Variants in CHST11 observed in about 807,000 individuals in gnomAD.
CHST11 encodes the protein carbohydrate sulfotransferase 11.
Under a neutral mutation model 30.4 loss-of-function variants are expected in CHST11, and 9 were observed. The observed-to-expected ratio is 0.30, with a 90% CI of 0.18 to 0.52. The LOEUF (loss-of-function observed/expected upper bound fraction) is 0.52, where lower values mean the gene tolerates loss of function less well. CHST11 is among the 20% of genes least tolerant of loss of function. The pLI, the probability that CHST11 is intolerant of heterozygous loss-of-function variation, is 0.97. For missense variants in CHST11, 348 were observed against 460.6 expected, an observed-to-expected ratio of 0.76 and a Z score of 2.24; for synonymous variants, 152 against 187.8, an observed-to-expected ratio of 0.81 and a Z score of 1.56.
intron 1 of CHST11, among the ~76,000 whole-genome samples, chr12:104,538,881 C>G (rs1386645884): frequency 6.6e-6 from 1 of 152,206 alleles, no homozygotes; most frequent in East Asian, 1.9e-4. Flanking sequence ...AAAGCTCACA[C>G]TTACATAGCA....
rs2038947410 is a variant in CHST11 at position 104,600,424 on chromosome 12, A to C, written c.119-1482A>C. 6.6e-6 allele frequency among the ~76,000 whole-genome samples: 1 copy of C among 152,198 alleles called. No homozygotes were observed. Among genetic ancestry groups the C allele is most frequent in the Non-Finnish European group, 1.5e-5 (1 of 68,028 alleles). On this transcript the variant is annotated intron_variant, in intron 1 of 2. Transcript: ENST00000303694. This position sits in a 1 kb window ranked among gnomAD's most constrained non-coding sequence, Gnocchi z 4.1. ...ATAGAGAAGTTCCCGCCTTCCTCCC[A>C]GGGGGATCTAAAATAGCTTCTGAAA...
chr12:104,726,043 T>G (rs537307252), intron 2 of CHST11, among the ~76,000 whole-genome samples: 78 of 152,304 alleles, frequency 5.1e-4, no homozygotes, highest in African/African-American at 1.8e-3. Flanking sequence ...GAAGCAGGAT[T>G]GGCAAGAACA....
At chr12:104,569,178 G>T (rs1229368872) in intron 1 of CHST11, among the ~76,000 whole-genome samples, 1 of 152,140 alleles carries the variant, frequency 6.6e-6, no homozygotes, top group Non-Finnish European at 1.5e-5. Context: ...CTAAATAAAA[G>T]TGAAACTACT....
At chr12:104,647,553 C>A (rs547109339) in intron 2 of CHST11, among the ~76,000 whole-genome samples, 86 of 152,164 alleles carry the variant, frequency 5.7e-4, no homozygotes, top group Non-Finnish European at 8.7e-4. Context: ...AAAACAAGAT[C>A]ACATATTCTA....
chr12:104,468,903 G>A (rs1198872576), intron 1 of CHST11, among the ~76,000 whole-genome samples: 1 of 152,116 alleles, frequency 6.6e-6, no homozygotes, highest in Non-Finnish European at 1.5e-5. Flanking sequence ...ATTGGGAATG[G>A]ATGTAAACCT....
At chr12:104,461,725 T>C (rs952369738) in intron 1 of CHST11, among the ~76,000 whole-genome samples, 27 of 152,364 alleles carry the variant, frequency 1.8e-4, no homozygotes, top group Admixed American at 1.7e-3. Context: ...TTTGCCTCGG[T>C]TGAATGTATT....
chr12:104,634,434 G>C (rs1305192596), intron 2 of CHST11, among the ~76,000 whole-genome samples: 1 of 152,198 alleles, frequency 6.6e-6, no homozygotes, highest in Non-Finnish European at 1.5e-5. Flanking sequence ...AGCCGAGCTG[G>C]CTCCACCACA....
chr12:104,630,221 G>A (rs116141293), intron 2 of CHST11, among the ~76,000 whole-genome samples: 422 of 152,280 alleles, frequency 2.8e-3, no homozygotes, highest in African/African-American at 9.3e-3. Flanking sequence ...TACAGGACAT[G>A]TATACCAGGA....
chr12:104,742,278 G>A (rs757041276), intron 2 of CHST11, among the ~76,000 whole-genome samples: 1 of 152,122 alleles, frequency 6.6e-6, no homozygotes, highest in Non-Finnish European at 1.5e-5. Context: ...GAAGGGAGAG[G>A]CCAGGAGGAG....
chr12:104,662,847 T>C (rs2136089218), intron 2 of CHST11, among the ~76,000 whole-genome samples: 1 of 152,380 alleles, frequency 6.6e-6, no homozygotes, highest in African/African-American at 2.4e-5. Flanking sequence ...CTTCTTATTT[T>C]AATGTTTACA....
At chr12:104,637,340 G>A (rs1416875214) in intron 2 of CHST11, among the ~76,000 whole-genome samples, 1 of 104,016 alleles carries the variant, frequency 9.6e-6, no homozygotes, top group South Asian at 3.3e-4. Context: ...AAAAAAGGGG[G>A]TTGGGGGAGG....
At chr12:104,725,107 T>C (rs2136129106) in intron 2 of CHST11, among the ~76,000 whole-genome samples, 1 of 152,280 alleles carries the variant, frequency 6.6e-6, no homozygotes, top group African/African-American at 2.4e-5. Context: ...CCACTTATCT[T>C]TGAGCACGTT....
chr12:104,651,725 T>C (rs1350298940), intron 2 of CHST11, among the ~76,000 whole-genome samples: 1 of 152,172 alleles, frequency 6.6e-6, no homozygotes, highest in Non-Finnish European at 1.5e-5. Context: ...CCCTTTTTCC[T>C]TTTCTTGCTT....
intron 1 of CHST11, chr12:104,514,252 C>T: frequency 2.3e-6 from 2 of 865,826 alleles, no homozygotes; most frequent in Middle Eastern, 3.3e-4. Flanking sequence ...GTTGGGGCAG[C>T]CACAGTTGGT....
rs312159 is a variant in CHST11 at position 104,729,154 on chromosome 12, A to G, written c.205-27795A>G. ...AGCAGGAAACAAAAGAGACAGAAAA[A>G]ACACAGAGGCCAAGATGAGCTGACA... is the stretch of plus-strand genomic sequence containing the variant. On this transcript the variant is annotated intron_variant, in intron 2 of 2. Transcript: ENST00000303694. This position sits in a 1 kb window ranked among gnomAD's most constrained non-coding sequence, Gnocchi z 4.0. Among the ~76,000 whole-genome samples, 44,099 of 151,998 alleles carry G rather than the reference A, an allele frequency of 0.29. 7,455 individuals are homozygous for G. The highest frequency in any genetic ancestry group is 0.52 in the South Asian group (2,515 of 4,808).
At chr12:104,609,522 A>G (rs2039038325) in intron 2 of CHST11, among the ~76,000 whole-genome samples, 1 of 152,212 alleles carries the variant, frequency 6.6e-6, no homozygotes, top group African/African-American at 2.4e-5. Context: ...CAAGCCAGGA[A>G]GGATTTCCAG....
intron 1 of CHST11, among the ~76,000 whole-genome samples, chr12:104,530,444 G>T (rs905720279): frequency 6.6e-6 from 1 of 152,140 alleles, no homozygotes; most frequent in Non-Finnish European, 1.5e-5. Flanking sequence ...TATACCCAGA[G>T]GCTGGCAATG....
At chr12:104,622,467 T>C (rs1405484558) in intron 2 of CHST11, among the ~76,000 whole-genome samples, 2 of 152,214 alleles carry the variant, frequency 1.3e-5, no homozygotes, top group Admixed American at 6.5e-5. Context: ...ACTAGCTTCA[T>C]TGAAACTCAC....
At chr12:104,656,775 AG>A (rs1284405603) in intron 2 of CHST11, among the ~76,000 whole-genome samples, 8 of 152,222 alleles carry the variant, frequency 5.3e-5, no homozygotes, top group African/African-American at 1.9e-4. Flanking sequence ...AGCCAGAGAC[AG>A]TGGAGGAGAA....
Sources: gnomAD v4.1 joint callset for allele counts (sites outside exome capture counted in the v4.1 genomes callset) on GRCh38, gnomAD v4.1.1 for gene constraint, Gnocchi (gnomAD v3.1) non-coding constraint, MANE v1.5 for transcripts, NCBI Gene and HGNC (gene_info 2026-07-23, HGNC 2026-07-21) for gene names.